The following PCNX1 variants were observed in gnomAD, a reference collection of about 807,000 sequenced individuals.
PCNX1 encodes the protein pecanex 1.
PCNX1 carries 78 observed loss-of-function variants against 242.2 expected under a neutral mutation model. The observed-to-expected ratio is 0.32, with a 90% confidence interval of 0.27 to 0.39. The LOEUF is 0.39. Ranked by LOEUF, PCNX1 falls within the 10% of genes least tolerant of loss-of-function variation. PCNX1 has a pLI of 1.00. For missense variants in PCNX1, 2,581 were observed against 2,856.5 expected (o/e 0.90, Z 2.20); for synonymous variants, 1,024 against 1,032.9 (o/e 0.99, Z 0.17).
chr14:71,047,295 C>G (rs951719161), intron 21 of PCNX1, among the ~76,000 whole-genome samples, 190 bp downstream of exon 21: 1 of 152,066 alleles, frequency 6.6e-6, no homozygotes, highest in African/African-American at 2.4e-5. Context: ...ATATTCTGTA[C>G]TCCAGACATC....
chr14:71,045,627 C>T (rs2060839256), intron 20 of PCNX1, among the ~76,000 whole-genome samples: 2 of 152,154 alleles, frequency 1.3e-5, no homozygotes, highest in South Asian at 4.1e-4. Context: ...ATGCCATATA[C>T]AGGCAATCCA....
chr14:71,062,934 G>A (rs778869899), intron 26 of PCNX1, among the ~76,000 whole-genome samples: 7 of 152,054 alleles, frequency 4.6e-5, no homozygotes, highest in South Asian at 2.1e-4. Flanking sequence ...TTGTATTACC[G>A]TTAGTGACAT....
chr14:71,100,877 C>T lies in PCNX1; in HGVS notation c.5590-1113C>T, dbSNP rs987990125. On this transcript the variant is annotated intron_variant, in intron 30 of 35. Transcript: ENST00000304743. ...AAATCTTCTGCCTGGCATTTACTAACTTCCTACACTTAGGAAGCAATTAAG... is the reference window on the plus strand; with the variant it reads ...AAATCTTCTGCCTGGCATTTACTAATTTCCTACACTTAGGAAGCAATTAAG... Among the ~76,000 whole-genome samples, 5 of 152,226 alleles carry T rather than the reference C, an allele frequency of 3.3e-5. No individual in the cohort carries two copies. In the South Asian group the frequency reaches 8.3e-4, roughly 25 times the overall value.
At chr14:70,982,312 A>G (rs2058862050) in intron 6 of PCNX1, among the ~76,000 whole-genome samples, 1 of 152,202 alleles carries the variant, frequency 6.6e-6, no homozygotes, top group Non-Finnish European at 1.5e-5. Flanking sequence ...AAATTAGTAG[A>G]AGGGATGGGT....
At chr14:71,101,077 A>G (rs2062449818) in intron 30 of PCNX1, among the ~76,000 whole-genome samples, 4 of 152,180 alleles carry the variant, frequency 2.6e-5, no homozygotes, top group African/African-American at 9.7e-5. Context: ...AACAGGCTCT[A>G]TCCTTAAGGA....
rs760525114 is a variant in PCNX1, at chr14:71,026,141, A to G, written c.3208A>G (p.Ser1070Gly). 2 of 1,607,196 alleles carry G rather than the reference A, an allele frequency of 1.2e-6. No homozygotes were observed. Among genetic ancestry groups the G allele is most frequent in the Non-Finnish European group, 1.7e-6 (2 of 1,176,202 alleles). The change falls in exon 14 of 36, where the codon AGT (serine) becomes GGT (glycine). Residue 1070 changes from serine (S) to glycine (G), a missense_variant. Physicochemically the swap from Ser to Gly is moderately conservative, Grantham distance 56. Transcript: ENST00000304743. ...RHGHNRIIAYSRPVYFCICCG... is the reference protein window; with the variant it reads ...RHGHNRIIAYGRPVYFCICCG... ...GGGTCATAATCGTATCATTGCCTACAGTAGACCAGTTTATTTCTGCATATG... is the reference window on the plus strand; with the variant it reads ...GGGTCATAATCGTATCATTGCCTACGGTAGACCAGTTTATTTCTGCATATG...
At chr14:71,026,912 T>A in intron 15 of PCNX1, 30 bp downstream of exon 15, 1 of 922,122 alleles carries the variant, frequency 1.1e-6, no homozygotes, top group Admixed American at 1.8e-5. Context: ...AATTATAGAT[T>A]ACAGTATTAC....
intron 1 of PCNX1, among the ~76,000 whole-genome samples, chr14:70,927,769 T>C (rs1359012660): frequency 6.6e-6 from 1 of 151,926 alleles, no homozygotes; most frequent in African/African-American, 2.4e-5. Context: ...TTTATATTTT[T>C]AGTAGAGACA....
rs1380327878 is a variant in PCNX1, at chr14:71,076,318, A to G, written c.5236A>G (p.Ile1746Val). The change falls in exon 28 of 36, where the codon ATT becomes GTT. Residue 1746 changes from isoleucine to valine, a missense_variant. By Grantham distance (29) the Ile-to-Val change is conservative (BLOSUM62 3). Coordinates refer to ENST00000304743, the MANE Select transcript of PCNX1 (RefSeq NM_014982.3). ...TGTGGACCCGACCTTTAATCCAAAC[A>G]TTGATGAAGACTATGACCACCGACT... ...VDVDPTFNPN[I>V]DEDYDHRLAG... is the part of the protein sequence containing the mutation. 1 of 1,613,872 alleles carries G rather than the reference A, an allele frequency of 6.2e-7. No homozygotes were observed. Among genetic ancestry groups the G allele is most frequent in the Non-Finnish European group, 8.5e-7 (1 of 1,179,860 alleles).
intron 2 of PCNX1, among the ~76,000 whole-genome samples, chr14:70,952,032 G>C (rs1472198431): frequency 6.6e-6 from 1 of 152,148 alleles, no homozygotes; most frequent in Admixed American, 6.5e-5. Flanking sequence ...CTTCTTAATT[G>C]TAAGACATTG....
At chr14:70,981,338 CT>C (rs2058833359) in intron 6 of PCNX1, among the ~76,000 whole-genome samples, 1 of 152,038 alleles carries the variant, frequency 6.6e-6, no homozygotes, top group Non-Finnish European at 1.5e-5. Context: ...TAGAAATAAA[CT>C]AGAGATAGTC....
chr14:71,092,062 C>T (rs2062148322), intron 30 of PCNX1, among the ~76,000 whole-genome samples: 1 of 152,064 alleles, frequency 6.6e-6, no homozygotes, highest in African/African-American at 2.4e-5. Flanking sequence ...TGAAAGGGCC[C>T]CACGAAACAG....
Position 71,113,569 on chromosome 14 carries a change from C to G in PCNX1, c.*3634C>G, listed in dbSNP as rs2062795822. The G allele has an allele frequency of 6.6e-6, 1 of 152,624 alleles. No homozygotes were observed. Among genetic ancestry groups the G allele is most frequent in the Non-Finnish European group, 1.5e-5 (1 of 68,042 alleles). 9.5% of individuals were successfully genotyped at this position (152,624 alleles called of 1,614,324 possible). ...ATCCTTCTGCCTCTGCTTAGCAGCT[C>G]TGCATTTGGTGGATTGCTGTTGTGA... is the stretch of plus-strand genomic sequence containing the variant. On this transcript the variant is annotated 3_prime_UTR_variant, in exon 36 of 36. Coordinates refer to ENST00000304743, the MANE Select transcript of PCNX1 (RefSeq NM_014982.3).
chr14:70,997,821 G>A (rs969280049), intron 8 of PCNX1, among the ~76,000 whole-genome samples: 1 of 152,132 alleles, frequency 6.6e-6, no homozygotes, highest in African/African-American at 2.4e-5. Context: ...GAATAGTTTT[G>A]TTGTGTGGTT....
intron 19 of PCNX1, among the ~76,000 whole-genome samples, chr14:71,041,388 G>A (rs2060699523): frequency 6.6e-6 from 1 of 151,982 alleles, no homozygotes; most frequent in Admixed American, 6.6e-5. Context: ...CTTGTTATTG[G>A]TCTGTTCAGC....
At chr14:70,949,297 A>ATACACACACGTGTATG (rs1566608761) in intron 2 of PCNX1, among the ~76,000 whole-genome samples, 2 of 114,314 alleles carry the variant, frequency 1.7e-5, no homozygotes, top group African/African-American at 6.6e-5. Context: ...ACACGTGTGT[A>ATACACACACGTGTATG]CACACATATG....
intron 1 of PCNX1, among the ~76,000 whole-genome samples, chr14:70,929,835 A>T (rs2056724371): frequency 6.6e-6 from 1 of 152,358 alleles, no homozygotes; most frequent in African/African-American, 2.4e-5. Flanking sequence ...ATATGTGAAT[A>T]AATTGGACAA....
chr14:70,953,277 T>G (rs2057859111), intron 2 of PCNX1, among the ~76,000 whole-genome samples: 1 of 152,172 alleles, frequency 6.6e-6, no homozygotes, highest in South Asian at 2.1e-4. Flanking sequence ...AGACCCTGTC[T>G]TGAAAAAATT....
chr14:70,913,864 A>G (rs1159688319), intron 1 of PCNX1, among the ~76,000 whole-genome samples: 2 of 152,320 alleles, frequency 1.3e-5, no homozygotes, highest in East Asian at 1.9e-4. Flanking sequence ...TGCATATTGT[A>G]CATATGATTT....
Sources: allele counts gnomAD v4.1 joint callset (sites outside exome capture counted in the v4.1 genomes callset), GRCh38; gene constraint gnomAD v4.1.1; transcripts MANE v1.5; gene names NCBI Gene and HGNC (gene_info 2026-07-23, HGNC 2026-07-21).